Variants in VWA8 observed in about 807,000 individuals in gnomAD.
VWA8 encodes the protein von Willebrand factor A domain-containing protein 8.
In VWA8, 221 loss-of-function variants were observed where a neutral mutation model predicts 241.5. That is an observed-to-expected ratio of 0.91 (90% CI 0.82 to 1.02). The LOEUF (loss-of-function observed/expected upper bound fraction) is 1.02. VWA8 is among the 50% of genes least tolerant of loss of function. The pLI is 0.00. For missense variants in VWA8, 2,322 were observed against 2,328.7 expected (o/e 1.00, Z 0.06); for synonymous variants, 852 against 827.1 (o/e 1.03, Z -0.52).
At chr13:41,791,874 T>G (rs1033017095) in intron 17 of VWA8, among the ~76,000 whole-genome samples, 1 of 151,814 alleles carries the variant, frequency 6.6e-6, no homozygotes, top group Admixed American at 6.6e-5. Flanking sequence ...TATATACACA[T>G]GTAAGTCTAT....
chr13:41,912,831 C>T (rs114537198), intron 2 of VWA8, among the ~76,000 whole-genome samples: 95 of 152,266 alleles, frequency 6.2e-4, no homozygotes, highest in Middle Eastern at 3.4e-3. Flanking sequence ...TAAATCACCC[C>T]ATCAATGTGC....
At chr13:41,873,176 C>T (rs1168152389) in intron 9 of VWA8, among the ~76,000 whole-genome samples, 1 of 151,854 alleles carries the variant, frequency 6.6e-6, no homozygotes, top group Non-Finnish European at 1.5e-5. Flanking sequence ...GGGACACATT[C>T]AAAGCAGTGT....
At chr13:41,580,283 TGAAGG>T (rs2139639363) in intron 42 of VWA8, among the ~76,000 whole-genome samples, 1 of 152,220 alleles carries the variant, frequency 6.6e-6, no homozygotes, top group East Asian at 1.9e-4. Flanking sequence ...AATTCTTGTT[TGAAGG>T]GACTCAGAAA....
chr13:41,890,789 G>C (rs1874799651), intron 5 of VWA8, among the ~76,000 whole-genome samples: 1 of 152,146 alleles, frequency 6.6e-6, no homozygotes, highest in Admixed American at 6.6e-5. Flanking sequence ...AAGCTATCAG[G>C]GTTAGAGCAT....
At chr13:41,622,559 C>T (rs1735961406) in intron 37 of VWA8, among the ~76,000 whole-genome samples, 1 of 152,156 alleles carries the variant, frequency 6.6e-6, no homozygotes. Context: ...CGATGCTGAG[C>T]CCCTTGATGT....
chr13:41,688,632 A>G (rs1185102719), intron 34 of VWA8, among the ~76,000 whole-genome samples: 1 of 152,180 alleles, frequency 6.6e-6, no homozygotes, highest in East Asian at 1.9e-4. Flanking sequence ...GATAAATCAG[A>G]GCAAAACTCA....
chr13:41,690,330 A>G (rs1030639542), intron 32 of VWA8, 55 bp from the exon 33 acceptor site: 7 of 1,453,530 alleles, frequency 4.8e-6, no homozygotes, highest in Non-Finnish European at 5.7e-6. Flanking sequence ...TCTAATAGTA[A>G]TAAGGCCAGA....
chr13:41,670,831 C>A, intron 37 of VWA8, 115 bp downstream of exon 37: 1 of 1,167,486 alleles, frequency 8.6e-7, no homozygotes, highest in Non-Finnish European at 1.2e-6. Context: ...TCTTTTAGTT[C>A]TTTAAGCAAC....
intron 17 of VWA8, among the ~76,000 whole-genome samples, chr13:41,792,785 A>G (rs1008812692): frequency 2.0e-5 from 3 of 151,884 alleles, no homozygotes; most frequent in African/African-American, 7.2e-5. Context: ...GCATTACATG[A>G]TATTTATTAG....
At chr13:41,617,888 A>ATTGATGGCCATT (rs555607004) in intron 37 of VWA8, among the ~76,000 whole-genome samples, 1 of 147,086 alleles carries the variant, frequency 6.8e-6, no homozygotes, top group African/African-American at 2.6e-5. Context: ...CCCGTCTATT[A>ATTGATGGCCATT]TGGGTTGGTT....
intron 38 of VWA8, among the ~76,000 whole-genome samples, chr13:41,613,901 T>C (rs1362297936): frequency 5.9e-5 from 9 of 152,130 alleles, no homozygotes; most frequent in Non-Finnish European, 8.8e-5. Context: ...CCTTGATCAA[T>C]TGAAAACTAA....
rs768249529 is a variant in VWA8, at chr13:41,778,073, T to G, written c.2278-17A>C. On this transcript the variant is annotated splice_polypyrimidine_tract_variant and intron_variant, in intron 19 of 44. Transcript: ENST00000379310. ...TATCACATGCTAGAGAAAAAGGAAC[T>G]AGGGGTTAACTGTTTTGTACAATCA... 1 of 1,601,926 alleles carries G rather than the reference T, an allele frequency of 6.2e-7. No individual in the cohort carries two copies. Among genetic ancestry groups the G allele is most frequent in the Admixed American group, 1.7e-5 (1 of 59,006 alleles).
rs995923649 is a variant in VWA8, at chr13:41,953,977, C to T, written c.164-3964G>A. On this transcript the variant is annotated intron_variant, in intron 1 of 44. Coordinates refer to ENST00000379310, the MANE Select transcript of VWA8 (RefSeq NM_015058.2). Reference sequence around the variant, plus strand: ...AAAAAATCCAAAAAATAAATCACAACGGAAATTGGACTCATTGGGAAACAG... The same window carrying T: ...AAAAAATCCAAAAAATAAATCACAATGGAAATTGGACTCATTGGGAAACAG... Among the ~76,000 whole-genome samples, 9 of 152,136 alleles carry T rather than the reference C, an allele frequency of 5.9e-5. No individual in the cohort carries two copies. The East Asian group carries it at 1.2e-3, about 19-fold the overall frequency.
intron 2 of VWA8, among the ~76,000 whole-genome samples, chr13:41,929,992 G>A (rs1877029072): frequency 6.6e-6 from 1 of 152,190 alleles, no homozygotes; most frequent in African/African-American, 2.4e-5. Context: ...TATATCTGGT[G>A]AGGGGCTAAT....
chr13:41,758,073 T>C (rs1165066995), intron 21 of VWA8, among the ~76,000 whole-genome samples: 1 of 151,192 alleles, frequency 6.6e-6, no homozygotes, highest in Non-Finnish European at 1.5e-5. Context: ...GCAGAGATAC[T>C]GAGGATACTG....
chr13:41,780,588 C>T (rs928487520), intron 19 of VWA8, among the ~76,000 whole-genome samples: 4 of 152,148 alleles, frequency 2.6e-5, no homozygotes, highest in Admixed American at 2.6e-4. Flanking sequence ...TCCATCCCCA[C>T]AGTTTCAAGG....
At chr13:41,896,790 C>G (rs2138091995) in intron 4 of VWA8, among the ~76,000 whole-genome samples, 1 of 152,184 alleles carries the variant, frequency 6.6e-6, no homozygotes, top group South Asian at 2.1e-4. Context: ...AACCAAAACT[C>G]TCATTCATGG....
chr13:41,746,552 T>G (rs568370663), intron 21 of VWA8, among the ~76,000 whole-genome samples: 1 of 152,256 alleles, frequency 6.6e-6, no homozygotes, highest in African/African-American at 2.4e-5. Context: ...GGGAGGAACA[T>G]CATCTAAAGG....
At chr13:41,775,847 C>T (rs192199332) in intron 20 of VWA8, among the ~76,000 whole-genome samples, 1 of 152,344 alleles carries the variant, frequency 6.6e-6, no homozygotes, top group East Asian at 1.9e-4. Flanking sequence ...ACCCTTCACT[C>T]TGAATAGCTC....
Sources: allele counts gnomAD v4.1 joint callset (sites outside exome capture counted in the v4.1 genomes callset), GRCh38; gene constraint gnomAD v4.1.1; transcripts MANE v1.5; gene names NCBI Gene and HGNC (gene_info 2026-07-23, HGNC 2026-07-21).